ACADM: variants seen among roughly 807,000 people sequenced by gnomAD.
ACADM encodes acyl-CoA dehydrogenase medium chain, also known as medium-chain specific acyl-CoA dehydrogenase, mitochondrial.
A neutral mutation model predicts 58.9 loss-of-function variants in ACADM; 49 were observed. That is an observed-to-expected ratio of 0.83 (90% CI 0.66 to 1.06). ACADM has a LOEUF of 1.06. Ranked by LOEUF, ACADM falls within the 50% of genes least tolerant of loss-of-function variation. ACADM has a pLI of 0.00. For synonymous variants in ACADM, 160 were observed against 157.7 expected, an observed-to-expected ratio of 1.01 and a Z score of -0.11; for missense variants, 496 against 507.0, an observed-to-expected ratio of 0.98 and a Z score of 0.21.
intron 8 of ACADM, among the ~76,000 whole-genome samples, 164 bp from the exon 9 acceptor site, chr1:75,749,255 G>A (rs968116733): frequency 1.3e-5 from 2 of 152,200 alleles, no homozygotes; most frequent in Non-Finnish European, 2.9e-5. Flanking sequence ...ACAAATAGGC[G>A]TGACTGTATT....
intron 7 of ACADM, among the ~76,000 whole-genome samples, chr1:75,742,069 A>G (rs1647599648): frequency 6.6e-6 from 1 of 152,198 alleles, no homozygotes; most frequent in African/African-American, 2.4e-5. Context: ...CAGTTTCTTT[A>G]AATACTTTAG....
intron 11 of ACADM, among the ~76,000 whole-genome samples, chr1:75,762,125 T>TTAATTA (rs1648890092): frequency 6.6e-6 from 1 of 152,206 alleles, no homozygotes; most frequent in Non-Finnish European, 1.5e-5. Context: ...CCTAGAGCCT[T>TTAATTA]TAATTATAAT....
At chr1:75,731,865 A>G (rs559255987) in intron 2 of ACADM, among the ~76,000 whole-genome samples, 1 of 152,228 alleles carries the variant, frequency 6.6e-6, no homozygotes, top group Non-Finnish European at 1.5e-5. Context: ...CTCTGTGAAA[A>G]CAAAAAAAAT....
At chr1:75,735,015 G>T in intron 6 of ACADM, 144 bp downstream of exon 6, 1 of 720,896 alleles carries the variant, frequency 1.4e-6, no homozygotes. Flanking sequence ...ATGTGTCAAG[G>T]ATGCCAAGAA....
chr1:75,746,747 C>T lies in ACADM; in HGVS notation c.708+833C>T, dbSNP rs571258011. Among the ~76,000 whole-genome samples, 13 of 152,004 alleles carry T rather than the reference C, an allele frequency of 8.6e-5. No individual in the cohort carries two copies. The South Asian group carries it at 2.7e-3, about 32-fold the overall frequency. On this transcript the variant is annotated intron_variant, in intron 8 of 11. Coordinates refer to ENST00000370841, the MANE Select transcript of ACADM (RefSeq NM_000016.6). Reference sequence around the variant, plus strand: ...CTGAGTGGCTAGGATTATTGGCATGCACCACCACACCTGGCTAATTTTTGT... The same window carrying T: ...CTGAGTGGCTAGGATTATTGGCATGTACCACCACACCTGGCTAATTTTTGT...
intron 11 of ACADM, 94 bp downstream of exon 11, chr1:75,761,464 T>A: frequency 7.2e-7 from 1 of 1,385,052 alleles, no homozygotes; most frequent in Non-Finnish European, 1.0e-6. Flanking sequence ...TTTATGTCCC[T>A]AGTAGCAATA....
At position 75,761,376 on chromosome 1, in the gene ACADM, G is replaced by T; in HGVS notation, c.1194+6G>T. ...GGGATGCCAAAATCTATCAGGTAAG[G>T]TTAAAGATGATTTTTTTGGTTTGCA... On this transcript the variant is annotated splice_donor_region_variant and intron_variant, in intron 11 of 11. Coordinates refer to ENST00000370841, the MANE Select transcript of ACADM (RefSeq NM_000016.6). The T allele has an allele frequency of 9.3e-6, 15 of 1,613,634 alleles. No individual in the cohort carries two copies. The highest frequency in any genetic ancestry group is 1.3e-5 in the Non-Finnish European group (15 of 1,179,796).
intron 7 of ACADM, among the ~76,000 whole-genome samples, chr1:75,742,635 G>T (rs1647642561): frequency 6.6e-6 from 1 of 152,108 alleles, no homozygotes; most frequent in Admixed American, 6.5e-5. Flanking sequence ...AGAACAAGGT[G>T]CTAGAATGAG....
chr1:75,734,142 C>T (rs1183787139), intron 5 of ACADM, among the ~76,000 whole-genome samples: 2 of 150,302 alleles, frequency 1.3e-5, no homozygotes, highest in African/African-American at 2.5e-5. Flanking sequence ...CGCACCACCA[C>T]GCCCAGCTAA....
chr1:75,758,143 A>C (rs962320404), intron 10 of ACADM, among the ~76,000 whole-genome samples: 4 of 151,912 alleles, frequency 2.6e-5, no homozygotes, highest in African/African-American at 9.7e-5. Flanking sequence ...GCTCACTGCA[A>C]CCTCTGCCTC....
intron 1 of ACADM, among the ~76,000 whole-genome samples, chr1:75,726,868 A>C (rs1392328575): frequency 7.0e-6 from 1 of 143,380 alleles, no homozygotes; most frequent in East Asian, 2.0e-4. Context: ...GCAATGGTGC[A>C]GTCTAGGCTC....
intron 10 of ACADM, among the ~76,000 whole-genome samples, chr1:75,760,269 A>C (rs1648755205): frequency 6.8e-6 from 1 of 147,412 alleles, no homozygotes; most frequent in Non-Finnish European, 1.5e-5. Context: ...AAATACAAAA[A>C]AAAAAAAAAA....
rs33952162 is a variant in ACADM, at chr1:75,735,319, CAAA to C, written c.468+466_468+468del. On this transcript the variant is annotated intron_variant, in intron 6 of 11. Coordinates refer to ENST00000370841, the MANE Select transcript of ACADM (RefSeq NM_000016.6). ...CGACAGAGTGAGTGAGACCCTGTCT[CAAA>C]AAAAAAAAAAAAAAAAAGGTGTCAT... is the stretch of plus-strand genomic sequence containing the variant. Among the ~76,000 whole-genome samples, 546 of 101,764 alleles carry C rather than the reference CAAA, an allele frequency of 5.4e-3. 1 individual carries two copies. Among genetic ancestry groups the C allele is most frequent in the Middle Eastern group, 0.046 (7 of 152 alleles). The allele number at this position is 101,764 out of a possible 152,430, so 66.8% of individuals were successfully genotyped here. A position where few individuals can be genotyped will look rare whatever the true frequency, so the allele number is the denominator to read the frequency against.
At chr1:75,737,556 A>C (rs1302470265) in intron 6 of ACADM, among the ~76,000 whole-genome samples, 1 of 151,968 alleles carries the variant, frequency 6.6e-6, no homozygotes, top group African/African-American at 2.4e-5. Context: ...ACAACTCCTT[A>C]ATTTGTCATG....
chr1:75,737,732 G>A (rs1003827092), intron 6 of ACADM, among the ~76,000 whole-genome samples: 3 of 151,938 alleles, frequency 2.0e-5, no homozygotes, highest in Non-Finnish European at 4.4e-5. Flanking sequence ...CATCATTTGC[G>A]AGCATCTGTT....
At chr1:75,753,031 T>C (rs978226274) in intron 10 of ACADM, among the ~76,000 whole-genome samples, 1 of 152,132 alleles carries the variant, frequency 6.6e-6, no homozygotes, top group African/African-American at 2.4e-5. Flanking sequence ...ATTAAGAAAC[T>C]CCGTACATTC....
Position 75,761,219 on chromosome 1 carries a change from G to C in ACADM, c.1043G>C (p.Arg348Pro). The C allele has an allele frequency of 1.2e-6, 2 of 1,614,144 alleles. No individual in the cohort carries two copies. The highest frequency in any genetic ancestry group is 2.2e-5 in the South Asian group (2 of 91,080). Residue 348 changes from arginine to proline, a missense_variant, in exon 11 of 12, where the codon CGT becomes CCT. Transcript: ENST00000370841. The stretch of plus-strand genomic sequence containing the variant: ...GCAGCTTGGGAGGTTGATTCTGGTC[G>C]TCGAAATACCTATTATGCTTCTATT... Reference protein sequence around the residue: ...QRAAWEVDSGRRNTYYASIAK... With the variant: ...QRAAWEVDSGPRNTYYASIAK...
chr1:75,725,263 A>ACGT (rs1647034413), intron 1 of ACADM, among the ~76,000 whole-genome samples: 1 of 151,470 alleles, frequency 6.6e-6, no homozygotes, highest in African/African-American at 2.4e-5. Flanking sequence ...TAAAAAAAAA[A>ACGT]CCTGCAGAAT....
chr1:75,735,536 C>G (rs562634706), intron 6 of ACADM, among the ~76,000 whole-genome samples: 12 of 152,074 alleles, frequency 7.9e-5, no homozygotes, highest in African/African-American at 2.9e-4. Flanking sequence ...TGTGTTTGAA[C>G]TAGTAGTGTT....
Sources: gnomAD v4.1 joint callset for allele counts (sites outside exome capture counted in the v4.1 genomes callset) on GRCh38, gnomAD v4.1.1 for gene constraint, MANE v1.5 for transcripts, NCBI Gene and HGNC (gene_info 2026-07-23, HGNC 2026-07-21) for gene names.